DPP6: variants seen among roughly 807,000 people sequenced by gnomAD.
DPP6 encodes the protein A-type potassium channel modulatory protein DPP6.
In DPP6, 69 loss-of-function variants were observed where a neutral mutation model predicts 122.6. The ratio of observed to expected loss-of-function variants is 0.56; its 90% CI spans 0.46 to 0.69. The LOEUF is 0.69. Among genes scored for constraint, DPP6 ranks in the 30% least tolerant of loss-of-function variants. The pLI is 0.00. For missense variants in DPP6, 928 were observed against 1,116.9 expected, an observed-to-expected ratio of 0.83 and a Z score of 2.41; for synonymous variants, 418 against 433.1, an observed-to-expected ratio of 0.97 and a Z score of 0.43.
intron 1 of DPP6, among the ~76,000 whole-genome samples, chr7:154,020,266 C>T (rs1169769518): frequency 1.9e-4 from 28 of 150,818 alleles, no homozygotes; most frequent in African/African-American, 6.2e-4. Context: ...TGGGGAATTG[C>T]TGTGAAGAAG....
chr7:154,238,617 T>C (rs1362202974), intron 1 of DPP6, among the ~76,000 whole-genome samples: 1 of 152,200 alleles, frequency 6.6e-6, no homozygotes, highest in Non-Finnish European at 1.5e-5. Context: ...GAGCTGGGAT[T>C]TGAACTCAAG....
At chr7:154,365,989 G>A (rs965131570) in intron 1 of DPP6, among the ~76,000 whole-genome samples, 1 of 151,724 alleles carries the variant, frequency 6.6e-6, no homozygotes, top group Non-Finnish European at 1.5e-5. Flanking sequence ...AGTGGGGAAG[G>A]GGAAAGGGAG....
the DPP6 span, among the ~76,000 whole-genome samples, chr7:153,867,833 C>G: frequency 6.6e-6 from 1 of 152,120 alleles, no homozygotes; most frequent in Non-Finnish European, 1.5e-5. Context: ...CCATCAATAC[C>G]TAATTTATTG....
chr7:153,872,509 T>C, the DPP6 span, among the ~76,000 whole-genome samples: 229 of 152,330 alleles, frequency 1.5e-3, 2 homozygotes, highest in African/African-American at 5.1e-3. Flanking sequence ...CTCATTGATG[T>C]AGCAGTTTTC....
intron 1 of DPP6, among the ~76,000 whole-genome samples, chr7:153,949,720 G>T (rs1802117741): frequency 6.6e-6 from 1 of 152,228 alleles, no homozygotes; most frequent in Non-Finnish European, 1.5e-5. Context: ...TCACTTGGAA[G>T]AACCGAGTTT....
intron 1 of DPP6, among the ~76,000 whole-genome samples, chr7:154,371,557 G>T (rs576745367): frequency 1.3e-5 from 2 of 151,978 alleles, no homozygotes; most frequent in Non-Finnish European, 2.9e-5. Context: ...TTGATATTTC[G>T]TGACTCTCAC....
intron 4 of DPP6, among the ~76,000 whole-genome samples, chr7:154,559,410 T>A (rs1830268347): frequency 6.8e-6 from 1 of 147,024 alleles, no homozygotes; most frequent in South Asian, 2.1e-4. Context: ...TAGACTAATA[T>A]ACCTGTCATT....
chr7:154,219,163 A>G (rs1052157424), intron 1 of DPP6, among the ~76,000 whole-genome samples: 1 of 152,194 alleles, frequency 6.6e-6, no homozygotes, highest in African/African-American at 2.4e-5. Context: ...TTAGCATGAT[A>G]TGAAGCCCTT....
intron 1 of DPP6, among the ~76,000 whole-genome samples, chr7:154,264,243 A>G (rs1803227208): frequency 6.6e-6 from 1 of 152,232 alleles, no homozygotes; most frequent in African/African-American, 2.4e-5. Flanking sequence ...CTGTGAAAAG[A>G]CATAGAATAT....
chr7:154,182,226 A>T (rs745350084), intron 1 of DPP6, among the ~76,000 whole-genome samples: 1 of 152,258 alleles, frequency 6.6e-6, no homozygotes, highest in Non-Finnish European at 1.5e-5. Flanking sequence ...ATAATTATGG[A>T]TTGCTAAGGG....
intron 1 of DPP6, among the ~76,000 whole-genome samples, chr7:153,971,030 A>G (rs1322948713): frequency 1.3e-5 from 2 of 152,220 alleles, no homozygotes; most frequent in Admixed American, 6.5e-5. Context: ...AAATCCACTT[A>G]GAATATTAAG....
At chr7:154,082,422 A>C (rs1344487861) in intron 1 of DPP6, among the ~76,000 whole-genome samples, 1 of 152,154 alleles carries the variant, frequency 6.6e-6, no homozygotes, top group Non-Finnish European at 1.5e-5. Context: ...GAGGATGGAG[A>C]GGAAAGCGTG....
intron 1 of DPP6, among the ~76,000 whole-genome samples, chr7:154,004,390 A>C (rs1376194404): frequency 6.6e-6 from 1 of 152,172 alleles, no homozygotes; most frequent in African/African-American, 2.4e-5. Context: ...CGTAAACTCC[A>C]GATTAATTGA....
intron 3 of DPP6, among the ~76,000 whole-genome samples, chr7:154,531,366 G>A (rs1332302948): frequency 1.3e-5 from 2 of 152,148 alleles, no homozygotes; most frequent in Non-Finnish European, 2.9e-5. Flanking sequence ...GAGTGGAACA[G>A]AGTTTCAAAA....
At chr7:154,319,708 A>G (rs1807757170) in intron 1 of DPP6, among the ~76,000 whole-genome samples, 1 of 151,480 alleles carries the variant, frequency 6.6e-6, no homozygotes, top group African/African-American at 2.4e-5. Flanking sequence ...AAAATATGCA[A>G]CATGCCGGGT....
the DPP6 span, among the ~76,000 whole-genome samples, chr7:153,827,000 A>G: frequency 3.2e-5 from 1 of 31,468 alleles, no homozygotes; most frequent in Non-Finnish European, 6.2e-5. Flanking sequence ...AAAATCATTA[A>G]AATTAACCTT....
At chr7:154,273,252 G>A (rs1324302439) in intron 1 of DPP6, among the ~76,000 whole-genome samples, 2 of 152,098 alleles carry the variant, frequency 1.3e-5, no homozygotes, top group Non-Finnish European at 2.9e-5. Flanking sequence ...CCGACACTAT[G>A]GTGAAGGAGG....
intron 1 of DPP6, among the ~76,000 whole-genome samples, chr7:154,174,551 C>A (rs1797698845): frequency 6.6e-6 from 1 of 152,226 alleles, no homozygotes; most frequent in South Asian, 2.1e-4. Context: ...AAGCCAAGGC[C>A]TATTGGTGTC....
At chr7:154,499,291 G>A (rs1035415772) in intron 3 of DPP6, among the ~76,000 whole-genome samples, 1 of 152,160 alleles carries the variant, frequency 6.6e-6, no homozygotes, top group Non-Finnish European at 1.5e-5. Flanking sequence ...GGGCCCCCCT[G>A]CGGTACAAAG....
Sources: allele counts gnomAD v4.1 joint callset (sites outside exome capture counted in the v4.1 genomes callset), GRCh38; gene constraint gnomAD v4.1.1; transcripts MANE v1.5; gene names NCBI Gene and HGNC (gene_info 2026-07-23, HGNC 2026-07-21).